ADAMTS18: variants seen among roughly 807,000 people sequenced by gnomAD.
ADAMTS18 encodes ADAM metallopeptidase with thrombospondin type 1 motif 18, also known as A disintegrin and metalloproteinase with thrombospondin motifs 18.
In ADAMTS18, 157 loss-of-function variants were observed where a neutral mutation model predicts 165.9. That is an observed-to-expected ratio of 0.95 (90% CI 0.83 to 1.08). The LOEUF (loss-of-function observed/expected upper bound fraction) is 1.08. Among genes scored for constraint, ADAMTS18 ranks in the 50% least tolerant of loss-of-function variants. ADAMTS18 has a pLI of 0.00. For synonymous variants in ADAMTS18, 782 were observed against 578.2 expected, an observed-to-expected ratio of 1.35 and a Z score of -5.06; for missense variants, 2,040 against 1,534.0, an observed-to-expected ratio of 1.33 and a Z score of -5.51.
At chr16:77,322,491 G>T in intron 13 of ADAMTS18, 25 bp from the exon 14 acceptor site, 2 of 1,613,232 alleles carry the variant, frequency 1.2e-6, no homozygotes, top group Non-Finnish European at 1.7e-6. Flanking sequence ...ATCAAGATAG[G>T]AAATGGTCAA....
At chr16:77,293,513 T>C (rs1040983778) in intron 19 of ADAMTS18, among the ~76,000 whole-genome samples, 4 of 151,886 alleles carry the variant, frequency 2.6e-5, no homozygotes, top group Non-Finnish European at 5.9e-5. Context: ...CAACACCATG[T>C]ACTATTTAGA....
chr16:77,423,231 C>G (rs1257705993), intron 3 of ADAMTS18, among the ~76,000 whole-genome samples: 1 of 152,202 alleles, frequency 6.6e-6, no homozygotes, highest in African/African-American at 2.4e-5. Flanking sequence ...AATCTCTTCT[C>G]AATGGCTCCA....
At chr16:77,299,595 A>G (rs1029398897) in intron 17 of ADAMTS18, among the ~76,000 whole-genome samples, 2 of 152,212 alleles carry the variant, frequency 1.3e-5, no homozygotes, top group African/African-American at 4.8e-5. Context: ...CTGTGGTTTC[A>G]GGAACTTATT....
At chr16:77,329,207 G>C (rs8062871) in intron 12 of ADAMTS18, among the ~76,000 whole-genome samples, 3 of 151,866 alleles carry the variant, frequency 2.0e-5, no homozygotes, top group Non-Finnish European at 2.9e-5. Context: ...CTGAACTCAA[G>C]TAATCCTCCT....
At chr16:77,390,481 G>C (rs1375136758) in intron 3 of ADAMTS18, among the ~76,000 whole-genome samples, 1 of 152,046 alleles carries the variant, frequency 6.6e-6, no homozygotes, top group African/African-American at 2.4e-5. Context: ...CACAAGGTCA[G>C]GAGTTTGAGA....
chr16:77,339,767 T>C (rs1008960978), intron 11 of ADAMTS18, among the ~76,000 whole-genome samples: 2 of 152,132 alleles, frequency 1.3e-5, no homozygotes, highest in Admixed American at 6.6e-5. Context: ...ACAGTCCTCA[T>C]TGGGAATCCC....
intron 17 of ADAMTS18, among the ~76,000 whole-genome samples, chr16:77,297,750 T>C (rs1463820516): frequency 6.6e-6 from 1 of 152,072 alleles, no homozygotes; most frequent in African/African-American, 2.4e-5. Context: ...TATTATCAGA[T>C]TAATGTTCTT....
At chr16:77,399,428 T>C (rs941957928) in intron 3 of ADAMTS18, among the ~76,000 whole-genome samples, 4 of 152,204 alleles carry the variant, frequency 2.6e-5, no homozygotes, top group Non-Finnish European at 4.4e-5. Flanking sequence ...AGCATTTATC[T>C]CTTAAAAGAA....
chr16:77,404,015 CCCTCCCTCCCTACCGTCCTCCCTT>C (rs1023384501), intron 3 of ADAMTS18, among the ~76,000 whole-genome samples: 3 of 144,868 alleles, frequency 2.1e-5, no homozygotes, highest in African/African-American at 7.4e-5. Context: ...CTCCCTCCCT[CCCTCCCTCCCTACCGTCCTCCCTT>C]CCTCCCTTCC....
At chr16:77,412,883 C>G (rs2057483020) in intron 3 of ADAMTS18, among the ~76,000 whole-genome samples, 1 of 151,990 alleles carries the variant, frequency 6.6e-6, no homozygotes, top group Non-Finnish European at 1.5e-5. Flanking sequence ...CAAACCATAT[C>G]ACAGGGTCTC....
rs777129845 is a variant in ADAMTS18, at chr16:77,356,022, T to C, written c.1378A>G (p.Ile460Val). 4 of 1,613,982 alleles carry C rather than the reference T, an allele frequency of 2.5e-6. No individual in the cohort carries two copies. The highest frequency in any genetic ancestry group is 2.5e-6 in the Non-Finnish European group (3 of 1,179,994). Residue 460 changes from isoleucine to valine, a missense_variant, in exon 9 of 23, where the codon ATC becomes GTC. Ile to Val is a conservative substitution (Grantham distance 29, BLOSUM62 3). Coordinates refer to ENST00000282849, the MANE Select transcript of ADAMTS18 (RefSeq NM_199355.4). ...GNPCRKAEGN[I>V]MSPTLTGNNG... The stretch of plus-strand genomic sequence containing the variant: ...TTTCCGGTCAGTGTGGGAGACATGA[T>C]ATTGCCTTCAGCCTTTCTGCAGGGA...
chr16:77,287,393 T>C (rs146385022), intron 22 of ADAMTS18, among the ~76,000 whole-genome samples: 1,577 of 152,258 alleles, frequency 0.01, 13 homozygotes, highest in Middle Eastern at 0.017. Context: ...TAGTAAACTG[T>C]AGGCCACATT....
At chr16:77,392,154 G>A (rs753453398) in intron 3 of ADAMTS18, among the ~76,000 whole-genome samples, 7 of 152,132 alleles carry the variant, frequency 4.6e-5, no homozygotes, top group African/African-American at 7.2e-5. Context: ...ACAGAATCGC[G>A]TGATACCATC....
chr16:77,285,892 T>C (rs1455994087), intron 22 of ADAMTS18, among the ~76,000 whole-genome samples: 2 of 152,140 alleles, frequency 1.3e-5, no homozygotes, highest in South Asian at 4.1e-4. Flanking sequence ...CCTGGCAGAG[T>C]TGACAAGTCC....
At position 77,291,288 on chromosome 16, in the gene ADAMTS18, C is replaced by T. The variant is rs139516327; in HGVS notation, c.3380G>A (p.Trp1127Ter). 385 of 1,613,994 alleles carry T rather than the reference C, an allele frequency of 2.4e-4. No individual in the cohort carries two copies. Among genetic ancestry groups the T allele is most frequent in the Non-Finnish European group, 3.2e-4 (373 of 1,180,010 alleles). The change falls in exon 21 of 23, where the codon TGG (tryptophan) becomes TAG (stop). Residue 1127 changes from tryptophan to a stop codon, truncating the protein, a stop_gained. Transcript: ENST00000282849. LOFTEE classifies it high-confidence loss of function. ...AHPVYNMVAG[W>*]YSLPWQQCTV... ...CACCTGCTGCCACGGCAATGAATAC[C>T]ATCCAGCTACCATGTTGTACACTGG...
At chr16:77,335,706 A>T (rs1354358453) in intron 12 of ADAMTS18, 50 bp downstream of exon 12, 3 of 1,610,592 alleles carry the variant, frequency 1.9e-6, no homozygotes, top group Non-Finnish European at 2.5e-6. Flanking sequence ...AGCGTGTTAC[A>T]GGCTGAAGGT....
chr16:77,285,647 C>G lies in ADAMTS18; in HGVS notation c.3551-1576G>C, dbSNP rs1223966455. On this transcript the variant is annotated intron_variant, in intron 22 of 22. Transcript: ENST00000282849. ...CAGGCAGGAGAAGTGAGATGTATTA[C>G]TATTCTGTCAGTATAAGTGCTTTTT... Among the ~76,000 whole-genome samples the G allele has an allele frequency of 2.0e-5, 3 of 152,208 alleles. No individual in the cohort carries two copies. The East Asian group carries it at 5.8e-4, about 29-fold the overall frequency.
chr16:77,321,016 T>C (rs2055987285), intron 15 of ADAMTS18, 63 bp downstream of exon 15: 1 of 1,608,944 alleles, frequency 6.2e-7, no homozygotes, highest in Admixed American at 1.7e-5. Context: ...TTGGCGTGAC[T>C]CAAACTTGTT....
chr16:77,397,401 T>G (rs2057272514), intron 3 of ADAMTS18, among the ~76,000 whole-genome samples: 1 of 152,320 alleles, frequency 6.6e-6, no homozygotes, highest in Middle Eastern at 3.4e-3. Flanking sequence ...ATATAACTTT[T>G]CCACTGCAAA....
Sources: gnomAD v4.1 joint callset for allele counts (sites outside exome capture counted in the v4.1 genomes callset) on GRCh38, gnomAD v4.1.1 for gene constraint, MANE v1.5 for transcripts, NCBI Gene and HGNC (gene_info 2026-07-23, HGNC 2026-07-21) for gene names.